CLIC5: variants seen among roughly 807,000 people sequenced by gnomAD.
CLIC5 encodes CLIC family member 5.
Under a neutral mutation model 24.7 loss-of-function variants are expected in CLIC5, and 20 were observed. The ratio of observed to expected loss-of-function variants is 0.81; its 90% confidence interval spans 0.57 to 1.18. The LOEUF is 1.18. Among genes scored for constraint, CLIC5 ranks in the 50% most tolerant of loss-of-function variants. CLIC5 has a pLI of 0.00. For synonymous variants in CLIC5, 159 were observed against 135.6 expected (o/e 1.17, Z -1.20); for missense variants, 341 against 326.1 (o/e 1.05, Z -0.35).
intron 1 of CLIC5, among the ~76,000 whole-genome samples, chr6:46,008,030 C>T (rs559243125): frequency 1.3e-5 from 2 of 150,984 alleles, no homozygotes; most frequent in South Asian, 4.2e-4. Flanking sequence ...ATCCATCATA[C>T]TTTGAGTTCA....
chr6:46,054,690 T>C lies in CLIC5; in HGVS notation c.540+25013A>G, dbSNP rs560714619. Among the ~76,000 whole-genome samples, 20 of 152,344 alleles carry C rather than the reference T, an allele frequency of 1.3e-4. 1 individual carries two copies. In the South Asian group the frequency reaches 3.7e-3, roughly 28 times the overall value. On this transcript the variant is annotated intron_variant, in intron 1 of 5. Coordinates refer to the CLIC5 transcript ENST00000185206. ...ATGAGGCCATAGGGCGGGGGCCTGA[T>C]CCAATAGGTTTACTATCCTTTTAAG...
chr6:45,931,177 C>T (rs1218611394), intron 4 of CLIC5, among the ~76,000 whole-genome samples: 1 of 152,164 alleles, frequency 6.6e-6, no homozygotes, highest in Non-Finnish European at 1.5e-5. Context: ...TTTATGATTC[C>T]TGCAGCAGAA....
chr6:45,935,235 A>G (rs1270141747), intron 4 of CLIC5, among the ~76,000 whole-genome samples: 1 of 152,228 alleles, frequency 6.6e-6, no homozygotes, highest in African/African-American at 2.4e-5. Context: ...GGTGTCAAAG[A>G]AACCCCTTTA....
At chr6:46,093,943 C>T in the CLIC5 span, among the ~76,000 whole-genome samples, 1 of 152,178 alleles carries the variant, frequency 6.6e-6, no homozygotes, top group Non-Finnish European at 1.5e-5. Context: ...GTTCTGCAGG[C>T]TGTATGGGAA....
At chr6:45,944,882 A>T (rs1764242028) in intron 3 of CLIC5, among the ~76,000 whole-genome samples, 1 of 152,136 alleles carries the variant, frequency 6.6e-6, no homozygotes, top group Non-Finnish European at 1.5e-5. Flanking sequence ...AAGTGGAAAG[A>T]CTTCCTCTCT....
chr6:46,128,832 A>T, the CLIC5 span, among the ~76,000 whole-genome samples: 2 of 152,228 alleles, frequency 1.3e-5, no homozygotes, highest in Non-Finnish European at 2.9e-5. Context: ...TGCACAGGCC[A>T]ACCTGAGACT....
intron 1 of CLIC5, among the ~76,000 whole-genome samples, chr6:46,068,723 T>C (rs1281711002): frequency 6.6e-6 from 1 of 152,064 alleles, no homozygotes; most frequent in Non-Finnish European, 1.5e-5. Context: ...GGTGTTCTTA[T>C]AAGAAGAGAA....
At chr6:46,037,131 TAAG>T (rs1767684939) in intron 1 of CLIC5, among the ~76,000 whole-genome samples, 1 of 152,238 alleles carries the variant, frequency 6.6e-6, no homozygotes, top group Non-Finnish European at 1.5e-5. Context: ...ACCTTCATCA[TAAG>T]AAGGACATCA....
chr6:46,042,071 G>A (rs1767822443), intron 1 of CLIC5, among the ~76,000 whole-genome samples: 1 of 152,078 alleles, frequency 6.6e-6, no homozygotes, highest in South Asian at 2.1e-4. Flanking sequence ...CTGTTTTCTA[G>A]GAGAGAATAA....
At chr6:46,086,905 C>A in the CLIC5 span, among the ~76,000 whole-genome samples, 2 of 152,204 alleles carry the variant, frequency 1.3e-5, no homozygotes, top group Non-Finnish European at 2.9e-5. Context: ...CCTCTCCTGG[C>A]ATTCTCTCTT....
chr6:45,999,764 A>T, intron 1 of CLIC5, among the ~76,000 whole-genome samples: 1 of 61,636 alleles, frequency 1.6e-5, no homozygotes, highest in African/African-American at 8.1e-5. Flanking sequence ...TTTGAGACGG[A>T]GTCTCGCTCT....
At chr6:46,013,244 G>A (rs1467357969) in intron 1 of CLIC5, among the ~76,000 whole-genome samples, 2 of 152,226 alleles carry the variant, frequency 1.3e-5, no homozygotes, top group Non-Finnish European at 2.9e-5. Flanking sequence ...TCAGTTACCT[G>A]ACACCATCAA....
chr6:45,981,381 A>C (rs531642756), intron 1 of CLIC5, among the ~76,000 whole-genome samples: 1 of 152,284 alleles, frequency 6.6e-6, no homozygotes, highest in African/African-American at 2.4e-5. Flanking sequence ...AAACTAAATA[A>C]GGAGCCAGAA....
chr6:46,013,178 C>T (rs1304792985), intron 1 of CLIC5, among the ~76,000 whole-genome samples: 1 of 152,162 alleles, frequency 6.6e-6, no homozygotes, highest in African/African-American at 2.4e-5. Flanking sequence ...GGGTGGGACC[C>T]ATCCTTCTTG....
chr6:45,912,082 T>C, intron 5 of CLIC5: 1 of 986,108 alleles, frequency 1.0e-6, no homozygotes, highest in Non-Finnish European at 1.2e-6. Context: ...GGGACTTCCA[T>C]GCTCATGTTC....
intron 4 of CLIC5, chr6:45,932,646 G>T (rs559895456): frequency 7.2e-5 from 11 of 152,504 alleles, no homozygotes; most frequent in Admixed American, 3.9e-4. Context: ...GGGATGAGTT[G>T]TTGGGGACAC....
intron 4 of CLIC5, among the ~76,000 whole-genome samples, chr6:45,928,109 A>G (rs1279826586): frequency 6.6e-6 from 1 of 152,224 alleles, no homozygotes; most frequent in Admixed American, 6.5e-5. Context: ...GCGCTGGAGC[A>G]GGATTTGAAA....
At chr6:46,035,425 A>G (rs1260750448) in intron 1 of CLIC5, among the ~76,000 whole-genome samples, 4 of 152,192 alleles carry the variant, frequency 2.6e-5, no homozygotes, top group African/African-American at 9.7e-5. Context: ...CTCCCTGGCT[A>G]TTGTCCGATG....
intron 1 of CLIC5, among the ~76,000 whole-genome samples, chr6:46,036,905 A>T (rs1767677840): frequency 6.6e-6 from 1 of 152,210 alleles, no homozygotes; most frequent in South Asian, 2.1e-4. Context: ...CTTACTTAAA[A>T]ATTTAAAATA....
Sources: gnomAD v4.1 joint callset for allele counts (sites outside exome capture counted in the v4.1 genomes callset) on GRCh38, gnomAD v4.1.1 for gene constraint, MANE v1.5 for transcripts, NCBI Gene and HGNC (gene_info 2026-07-23, HGNC 2026-07-21) for gene names.